The following TNR variants were observed in gnomAD, a reference collection of about 807,000 sequenced individuals.
TNR encodes the protein tenascin R.
TNR carries 45 observed loss-of-function variants against 150.4 expected under a neutral mutation model. The ratio of observed to expected loss-of-function variants is 0.30; its 90% CI spans 0.24 to 0.38. The LOEUF (loss-of-function observed/expected upper bound fraction) is 0.38. Among genes scored for constraint, TNR ranks in the 10% least tolerant of loss-of-function variants. The pLI is 1.00. For synonymous variants in TNR, 687 were observed against 678.4 expected (o/e 1.01, Z -0.20); for missense variants, 1,544 against 1,759.1 (o/e 0.88, Z 2.19).
intron 1 of TNR, among the ~76,000 whole-genome samples, chr1:175,626,909 G>C (rs1157172127): frequency 6.6e-6 from 1 of 152,172 alleles, no homozygotes; most frequent in South Asian, 2.1e-4. Flanking sequence ...CAGAGGTGAA[G>C]GCCATGACAG....
chr1:175,672,531 T>G (rs918671737), intron 1 of TNR, among the ~76,000 whole-genome samples: 1 of 152,198 alleles, frequency 6.6e-6, no homozygotes, highest in African/African-American at 2.4e-5. Context: ...TAATATCCAT[T>G]GACTGACAAG....
chr1:175,497,252 G>A (rs539687145), intron 2 of TNR, among the ~76,000 whole-genome samples: 5 of 152,258 alleles, frequency 3.3e-5, no homozygotes, highest in South Asian at 2.1e-4. Context: ...TTGGTTTGGC[G>A]TGGGAGCAGA....
intron 2 of TNR, among the ~76,000 whole-genome samples, chr1:175,420,632 C>T (rs973466231): frequency 3.9e-5 from 6 of 152,186 alleles, no homozygotes; most frequent in Non-Finnish European, 8.8e-5. Flanking sequence ...GTCAGAATAA[C>T]AGAACACCTG....
chr1:175,471,282 C>G (rs1408287499), intron 2 of TNR, among the ~76,000 whole-genome samples: 2 of 152,158 alleles, frequency 1.3e-5, no homozygotes, highest in African/African-American at 4.8e-5. Context: ...AGCCAGTGAT[C>G]ACGTCAGTCT....
intron 2 of TNR, among the ~76,000 whole-genome samples, chr1:175,467,494 A>G (rs1162821892): frequency 6.6e-6 from 1 of 152,244 alleles, no homozygotes; most frequent in East Asian, 1.9e-4. Context: ...GGCAATGCTT[A>G]ACTCAGAGGA....
chr1:175,538,228 A>C (rs1394235862), intron 1 of TNR, among the ~76,000 whole-genome samples: 3 of 152,164 alleles, frequency 2.0e-5, no homozygotes, highest in African/African-American at 7.2e-5. Flanking sequence ...GGGAGGTACA[A>C]GATCAAAGCA....
chr1:175,450,488 C>T (rs1408163221), intron 2 of TNR, among the ~76,000 whole-genome samples: 1 of 152,254 alleles, frequency 6.6e-6, no homozygotes, highest in African/African-American at 2.4e-5. Flanking sequence ...GTTAAGTTCT[C>T]TGCTCTGGGC....
chr1:175,500,001 A>G (rs1658664957), intron 2 of TNR, among the ~76,000 whole-genome samples: 1 of 152,186 alleles, frequency 6.6e-6, no homozygotes, highest in Non-Finnish European at 1.5e-5. Context: ...TCTGGACTTC[A>G]CATGTAACTT....
chr1:175,668,910 T>A (rs1354417507), intron 1 of TNR, among the ~76,000 whole-genome samples: 1 of 152,170 alleles, frequency 6.6e-6, no homozygotes. Flanking sequence ...CTCCTTGGCC[T>A]GGTGTGCATA....
chr1:175,699,501 G>T (rs1370718903), intron 1 of TNR, among the ~76,000 whole-genome samples: 6 of 152,152 alleles, frequency 3.9e-5, no homozygotes, highest in Non-Finnish European at 8.8e-5. Flanking sequence ...CCAGTGCAAT[G>T]GGAGAGTGAA....
intron 6 of TNR, among the ~76,000 whole-genome samples, chr1:175,393,330 T>A (rs1653265737): frequency 6.6e-6 from 1 of 152,200 alleles, no homozygotes; most frequent in Non-Finnish European, 1.5e-5. Flanking sequence ...CTTTAGGGAT[T>A]GATGCCATGC....
At chr1:175,679,173 T>C (rs1665955545) in intron 1 of TNR, among the ~76,000 whole-genome samples, 1 of 152,266 alleles carries the variant, frequency 6.6e-6, no homozygotes, top group Non-Finnish European at 1.5e-5. Context: ...GGAGGGCTTT[T>C]TGCAATCTTG....
chr1:175,517,481 CT>C (rs1659462226), intron 2 of TNR, among the ~76,000 whole-genome samples: 1 of 152,292 alleles, frequency 6.6e-6, no homozygotes, highest in Non-Finnish European at 1.5e-5. Flanking sequence ...CCTTCCCTAC[CT>C]CTTCCCTAAT....
chr1:175,450,647 C>A (rs866479097), intron 2 of TNR, among the ~76,000 whole-genome samples: 4 of 152,212 alleles, frequency 2.6e-5, no homozygotes, highest in Non-Finnish European at 4.4e-5. Context: ...AGCTAGAGTG[C>A]CTGGCACAAA....
chr1:175,508,836 G>A (rs1659056301), intron 2 of TNR, among the ~76,000 whole-genome samples: 1 of 152,206 alleles, frequency 6.6e-6, no homozygotes, highest in African/African-American at 2.4e-5. Context: ...CAGTTAGTGT[G>A]GGGTCATTTG....
chr1:175,386,081 G>T lies in TNR; in HGVS notation c.1728C>A (p.Ala576=), dbSNP rs144742450. Residue 576 remains alanine, a synonymous_variant, in exon 8 of 23, where the codon GCC becomes GCA. Coordinates refer to ENST00000367674, the MANE Select transcript of TNR (RefSeq NM_003285.3). ...PGSRYEVSVS[A]VRGTNESDSA... is the part of the protein sequence containing the mutation. ...AATCGCTCTCGTTGGTCCCTCGGAC[G>T]GCACTGACTGACACCTCGTATCGGG... is the stretch of plus-strand genomic sequence containing the variant. 6.2e-7 allele frequency: 1 copy of T among 1,610,314 alleles called. No homozygotes were observed. The highest frequency in any genetic ancestry group is 8.5e-7 in the Non-Finnish European group (1 of 1,177,182).
At chr1:175,407,323 T>C (rs1654011236) in intron 2 of TNR, among the ~76,000 whole-genome samples, 1 of 152,242 alleles carries the variant, frequency 6.6e-6, no homozygotes, top group Non-Finnish European at 1.5e-5. Context: ...TTGTGATTGT[T>C]AATAAACCTT....
rs537491512 is a variant in TNR at position 175,739,861 on chromosome 1, C to T, written c.-165+3365G>A. Among the ~76,000 whole-genome samples the T allele has an allele frequency of 2.0e-5, 3 of 152,236 alleles. No individual in the cohort carries two copies. The East Asian group carries it at 5.8e-4, about 29-fold the overall frequency. On this transcript the variant is annotated intron_variant, in intron 1 of 22. Coordinates refer to ENST00000367674, the MANE Select transcript of TNR (RefSeq NM_003285.3). ...TTTCCTCAGCTCACTCTCCTGGAGC[C>T]CAGATGGGGAGACATGACCAACCAC...
chr1:175,631,370 C>G (rs1664320951), intron 1 of TNR, among the ~76,000 whole-genome samples: 1 of 152,204 alleles, frequency 6.6e-6, no homozygotes, highest in Admixed American at 6.5e-5. Context: ...ATTACATCTA[C>G]AGGTCTATAG....
Sources: allele counts gnomAD v4.1 joint callset (sites outside exome capture counted in the v4.1 genomes callset), GRCh38; gene constraint gnomAD v4.1.1; transcripts MANE v1.5; gene names NCBI Gene and HGNC (gene_info 2026-07-23, HGNC 2026-07-21).